The following ALK variants were observed in gnomAD, a reference collection of about 807,000 sequenced individuals.
The protein encoded by ALK is ALK receptor tyrosine kinase.
Under a neutral mutation model 163.1 loss-of-function variants are expected in ALK, and 74 were observed. The observed-to-expected ratio is 0.45, with a 90% CI of 0.38 to 0.55. The LOEUF is 0.55. ALK is among the 20% of genes least tolerant of loss of function. ALK has a pLI of 0.00. For synonymous variants in ALK, 960 were observed against 843.2 expected (o/e 1.14, Z -2.40); for missense variants, 2,063 against 2,105.3 (o/e 0.98, Z 0.39).
rs1036672709 is a variant in ALK at position 29,587,618 on chromosome 2, T to C, written c.953-55502A>G. On this transcript the variant is annotated intron_variant, in intron 3 of 28. Coordinates refer to ENST00000389048, the MANE Select transcript of ALK (RefSeq NM_004304.5). ...ACTTAGCATTTTGCATTTGGTTTTA[T>C]AGAAAATGCATAACTGTCCATAGCT... Among the ~76,000 whole-genome samples, 10 of 152,168 alleles carry C rather than the reference T, an allele frequency of 6.6e-5. No individual in the cohort carries two copies. In the East Asian group the frequency reaches 1.4e-3, roughly 21 times the overall value.
At chr2:29,301,629 A>G (rs1026756146) in intron 8 of ALK, among the ~76,000 whole-genome samples, 2 of 152,200 alleles carry the variant, frequency 1.3e-5, no homozygotes, top group Non-Finnish European at 2.9e-5. Flanking sequence ...CCACTTGGCT[A>G]TATTCTAAAC....
intron 4 of ALK, among the ~76,000 whole-genome samples, chr2:29,463,134 A>T (rs1210471593): frequency 6.6e-6 from 1 of 152,178 alleles, no homozygotes; most frequent in Non-Finnish European, 1.5e-5. Flanking sequence ...AACCAAAAAC[A>T]TGTAATGAAG....
chr2:29,828,842 G>T (rs537798954), intron 1 of ALK, among the ~76,000 whole-genome samples: 1 of 152,138 alleles, frequency 6.6e-6, no homozygotes, highest in East Asian at 1.9e-4. Context: ...TATAAATCAT[G>T]CTGCTATAAA....
chr2:29,296,878 T>C lies in ALK; in HGVS notation c.1817+10A>G, dbSNP rs539018263. On this transcript the variant is annotated intron_variant, in intron 9 of 28. Coordinates refer to ENST00000389048, the MANE Select transcript of ALK (RefSeq NM_004304.5). ...GGAGAAGGGTATTGGGGGAGATGCA[T>C]AGAGCCTACCTGTCAGACACATCGA... 1.2e-5 allele frequency: 19 copies of C among 1,614,114 alleles called. 1 individual carries two copies. The African/African-American group carries it at 1.7e-4, about 15-fold the overall frequency.
intron 3 of ALK, among the ~76,000 whole-genome samples, chr2:29,623,489 C>T (rs565119731): frequency 6.6e-6 from 1 of 152,328 alleles, no homozygotes; most frequent in African/African-American, 2.4e-5. Context: ...TGATAGCTCA[C>T]TTTAATACTT....
rs193050629 is a variant in ALK, at chr2:29,341,120, T to C, written c.1283-12639A>G. ...TGGGTAATGGATTCAGAAGCAGGGT[T>C]TATGCTTTGTTCATAATATAAAATT... On this transcript the variant is annotated intron_variant, in intron 5 of 28. Coordinates refer to ENST00000389048, the MANE Select transcript of ALK (RefSeq NM_004304.5). Among the ~76,000 whole-genome samples the C allele has an allele frequency of 2.4e-3, 369 of 152,374 alleles. 3 individuals are homozygous for C. Among genetic ancestry groups the C allele is most frequent in the African/African-American group, 8.4e-3 (350 of 41,590 alleles).
intron 3 of ALK, among the ~76,000 whole-genome samples, chr2:29,647,737 C>G (rs879497535): frequency 2.2e-4 from 33 of 149,260 alleles, no homozygotes; most frequent in African/African-American, 7.4e-4. Flanking sequence ...AGTGTTTCAT[C>G]TACCATAGTA....
At chr2:29,646,892 T>C (rs1309113609) in intron 3 of ALK, among the ~76,000 whole-genome samples, 1 of 152,190 alleles carries the variant, frequency 6.6e-6, no homozygotes, top group Non-Finnish European at 1.5e-5. Flanking sequence ...ATTTTTCCTA[T>C]TTCTTCCTAT....
chr2:29,751,493 G>A (rs537477509), intron 1 of ALK, among the ~76,000 whole-genome samples: 1 of 152,256 alleles, frequency 6.6e-6, no homozygotes, highest in Non-Finnish European at 1.5e-5. Context: ...TCGGGGATGG[G>A]AAAGGCGTTG....
chr2:29,479,887 A>G lies in ALK; in HGVS notation c.1154+52028T>C, dbSNP rs562881033. Among the ~76,000 whole-genome samples the G allele has an allele frequency of 4.0e-3, 610 of 152,316 alleles. 1 individual carries two copies. The highest frequency in any genetic ancestry group is 0.014 in the African/African-American group (593 of 41,562). ...GTTCAGACTGGGAAAAGGACATGAG[A>G]GTCTTGAAATCTGGTACAGGAAATC... On this transcript the variant is annotated intron_variant, in intron 4 of 28. Transcript: ENST00000389048.
intron 3 of ALK, among the ~76,000 whole-genome samples, chr2:29,611,321 T>C (rs188516972): frequency 6.6e-6 from 1 of 152,186 alleles, no homozygotes; most frequent in Admixed American, 6.5e-5. Flanking sequence ...GAACCGACAG[T>C]GCATCAGCTC....
intron 1 of ALK, among the ~76,000 whole-genome samples, chr2:29,856,118 T>TA (rs1200279426): frequency 2.6e-5 from 4 of 151,966 alleles, no homozygotes; most frequent in South Asian, 2.1e-4. Flanking sequence ...AGGGAGGAAG[T>TA]AAAAAAAATG....
intron 13 of ALK, among the ~76,000 whole-genome samples, chr2:29,237,385 T>C (rs1664412798): frequency 6.6e-6 from 1 of 152,192 alleles, no homozygotes; most frequent in African/African-American, 2.4e-5. Flanking sequence ...GGCTCCAACA[T>C]GCCTTAAAGT....
intron 3 of ALK, among the ~76,000 whole-genome samples, chr2:29,641,141 G>C (rs1353607999): frequency 6.6e-6 from 1 of 152,094 alleles, no homozygotes; most frequent in South Asian, 2.1e-4. Flanking sequence ...CCAAGGATTT[G>C]TGTTTTATCC....
chr2:29,204,608 A>C (rs1194965939), intron 26 of ALK, among the ~76,000 whole-genome samples: 6 of 152,106 alleles, frequency 3.9e-5, no homozygotes, highest in Non-Finnish European at 7.4e-5. Flanking sequence ...TTATTATTTG[A>C]GATGGAGTTT....
intron 4 of ALK, among the ~76,000 whole-genome samples, chr2:29,523,283 C>T (rs1279782923): frequency 3.9e-5 from 6 of 152,190 alleles, no homozygotes; most frequent in Admixed American, 3.9e-4. Flanking sequence ...GTGTCCTTCT[C>T]AGGGCTAGCT....
chr2:29,680,012 C>T (rs1230527017), intron 3 of ALK, among the ~76,000 whole-genome samples: 2 of 151,884 alleles, frequency 1.3e-5, no homozygotes, highest in Admixed American at 6.6e-5. Context: ...AATATGTGTT[C>T]CACTGTCTTT....
intron 3 of ALK, among the ~76,000 whole-genome samples, chr2:29,678,922 G>T (rs1197478970): frequency 6.6e-6 from 1 of 151,668 alleles, no homozygotes; most frequent in Non-Finnish European, 1.5e-5. Context: ...ATTGCTCAAG[G>T]CTTCTATATC....
intron 2 of ALK, among the ~76,000 whole-genome samples, chr2:29,710,058 G>C (rs1679028938): frequency 6.6e-6 from 1 of 152,074 alleles, no homozygotes; most frequent in Admixed American, 6.6e-5. Flanking sequence ...GAATCATGGG[G>C]GCAGGTCTTC....
Sources: gnomAD v4.1 joint callset for allele counts (sites outside exome capture counted in the v4.1 genomes callset) on GRCh38, gnomAD v4.1.1 for gene constraint, MANE v1.5 for transcripts, NCBI Gene and HGNC (gene_info 2026-07-23, HGNC 2026-07-21) for gene names.